The following RAD51B variants were observed in gnomAD, a reference collection of about 807,000 sequenced individuals.
The protein encoded by RAD51B is DNA repair protein RAD51 homolog 2.
A neutral mutation model predicts 42.2 loss-of-function variants in RAD51B; 38 were observed. That is an observed-to-expected ratio of 0.90 (90% confidence interval 0.70 to 1.18). The LOEUF (loss-of-function observed/expected upper bound fraction) is 1.18, where lower values mean the gene tolerates loss of function less well. Among genes scored for constraint, RAD51B ranks in the 50% most tolerant of loss-of-function variants. RAD51B has a pLI of 0.00. For missense variants in RAD51B, 373 were observed against 400.7 expected (o/e 0.93, Z 0.59); for synonymous variants, 154 against 145.2 (o/e 1.06, Z -0.43).
intron 10 of RAD51B, among the ~76,000 whole-genome samples, chr14:68,499,800 G>A (rs1300276709): frequency 3.9e-5 from 6 of 152,154 alleles, no homozygotes; most frequent in African/African-American, 1.2e-4. Context: ...GCGAGGAAGA[G>A]GTCTCCCCAA....
At chr14:68,621,642 T>G (rs904766476) in intron 10 of RAD51B, among the ~76,000 whole-genome samples, 1 of 152,236 alleles carries the variant, frequency 6.6e-6, no homozygotes, top group South Asian at 2.1e-4. Flanking sequence ...TAAGGCCACA[T>G]TGGGGCCCCA....
chr14:68,001,923 C>T (rs951302576), intron 7 of RAD51B, among the ~76,000 whole-genome samples: 11 of 152,172 alleles, frequency 7.2e-5, no homozygotes, highest in African/African-American at 2.7e-4. Context: ...ATACGTACCA[C>T]ATTTTCTTAA....
intron 5 of RAD51B, among the ~76,000 whole-genome samples, chr14:67,881,088 C>CA (rs2042891947): frequency 6.6e-6 from 1 of 152,028 alleles, no homozygotes; most frequent in African/African-American, 2.4e-5. Context: ...ATTGAATAGG[C>CA]AATTACAACA....
At position 68,680,040 on chromosome 14, in the gene RAD51B, C is replaced by T. The variant is rs1025527402; in HGVS notation, c.*11+29184C>T. Among the ~76,000 whole-genome samples, 3 of 152,116 alleles carry T rather than the reference C, an allele frequency of 2.0e-5. No individual in the cohort carries two copies. The East Asian group carries it at 5.8e-4, about 29-fold the overall frequency. On this transcript the variant is annotated intron_variant, in intron 11 of 11. Transcript: ENST00000488612. Reference sequence around the variant, plus strand: ...TCACTGGTTTTTTTTCCATATGAGCCACTTTTTTGCTGAATCAGGTAATCG... The same window carrying T: ...TCACTGGTTTTTTTTCCATATGAGCTACTTTTTTGCTGAATCAGGTAATCG...
chr14:67,969,282 G>C (rs559012168), intron 7 of RAD51B, among the ~76,000 whole-genome samples: 25 of 152,282 alleles, frequency 1.6e-4, no homozygotes, highest in African/African-American at 5.3e-4. Context: ...TTGGTTTCAG[G>C]AGGAGTGTTA....
chr14:68,185,977 A>G (rs553498397), intron 7 of RAD51B, among the ~76,000 whole-genome samples: 80 of 152,336 alleles, frequency 5.3e-4, no homozygotes, highest in Non-Finnish European at 1.1e-3. Flanking sequence ...ATAAGGCTGC[A>G]GTAAGCAAAA....
chr14:67,979,095 T>C (rs769946858), intron 7 of RAD51B, among the ~76,000 whole-genome samples: 7 of 152,218 alleles, frequency 4.6e-5, no homozygotes, highest in Non-Finnish European at 7.3e-5. Flanking sequence ...AACATGAAGC[T>C]ACAGTGTGGG....
At chr14:67,869,509 T>C (rs1399490396) in intron 5 of RAD51B, among the ~76,000 whole-genome samples, 1 of 152,116 alleles carries the variant, frequency 6.6e-6, no homozygotes, top group East Asian at 1.9e-4. Flanking sequence ...TGGAAAACAC[T>C]CTGCAGGATA....
intron 7 of RAD51B, among the ~76,000 whole-genome samples, chr14:67,893,499 C>A (rs1245577857): frequency 0.21 from 17,084 of 81,082 alleles, 2,288 homozygotes; most frequent in African/African-American, 0.28. Flanking sequence ...CACACACACA[C>A]ACACACACAC....
At chr14:67,981,555 C>T (rs566180137) in intron 7 of RAD51B, among the ~76,000 whole-genome samples, 3 of 152,208 alleles carry the variant, frequency 2.0e-5, no homozygotes, top group East Asian at 1.9e-4. Context: ...TGAAGTCACC[C>T]GCATGTCCAT....
intron 8 of RAD51B, among the ~76,000 whole-genome samples, chr14:68,293,758 G>A (rs2081559802): frequency 6.6e-6 from 1 of 152,230 alleles, no homozygotes; most frequent in East Asian, 1.9e-4. Flanking sequence ...CTGCTCAACT[G>A]TATAAAGAAA....
intron 10 of RAD51B, among the ~76,000 whole-genome samples, chr14:68,498,086 A>G (rs1414779533): frequency 2.0e-5 from 3 of 152,230 alleles, no homozygotes; most frequent in African/African-American, 4.8e-5. Context: ...AAGAACTGCA[A>G]TACTATTCTC....
chr14:68,344,964 A>AC (rs1356427115), intron 8 of RAD51B, among the ~76,000 whole-genome samples: 4 of 151,938 alleles, frequency 2.6e-5, no homozygotes, highest in Admixed American at 6.6e-5. Flanking sequence ...AAAAAAAAAA[A>AC]AAACAACATT....
intron 11 of RAD51B, among the ~76,000 whole-genome samples, chr14:68,675,967 C>T (rs774758775): frequency 9.2e-5 from 14 of 152,130 alleles, no homozygotes; most frequent in Non-Finnish European, 1.0e-4. Flanking sequence ...GGCCTTGAGG[C>T]TATGGTGAGA....
chr14:68,445,245 G>A (rs2085395190), intron 9 of RAD51B, among the ~76,000 whole-genome samples: 1 of 152,086 alleles, frequency 6.6e-6, no homozygotes, highest in Admixed American at 6.6e-5. Context: ...GCTTCACATG[G>A]CTGTAAACCC....
intron 10 of RAD51B, among the ~76,000 whole-genome samples, chr14:68,584,615 A>T: frequency 6.6e-6 from 1 of 151,962 alleles, no homozygotes; most frequent in South Asian, 2.1e-4. Flanking sequence ...GCACCTACCC[A>T]GCTGTTCTTA....
chr14:68,461,085 A>G (rs1395460731), intron 9 of RAD51B, among the ~76,000 whole-genome samples: 2 of 152,050 alleles, frequency 1.3e-5, no homozygotes, highest in African/African-American at 4.8e-5. Context: ...GGTAACATTA[A>G]CCATAAAACA....
intron 8 of RAD51B, among the ~76,000 whole-genome samples, chr14:68,384,337 A>C (rs765480932): frequency 2.6e-5 from 4 of 152,234 alleles, no homozygotes; most frequent in Non-Finnish European, 4.4e-5. Context: ...AAAATGAACC[A>C]ACACTCAAAA....
At chr14:68,208,270 G>T (rs1300231847) in intron 7 of RAD51B, among the ~76,000 whole-genome samples, 1 of 152,134 alleles carries the variant, frequency 6.6e-6, no homozygotes, top group Non-Finnish European at 1.5e-5. Context: ...GAAAAACAAG[G>T]TGTGGTAAAG....
Sources: allele counts gnomAD v4.1 joint callset (sites outside exome capture counted in the v4.1 genomes callset), GRCh38; gene constraint gnomAD v4.1.1; transcripts MANE v1.5; gene names NCBI Gene and HGNC (gene_info 2026-07-23, HGNC 2026-07-21).